CADM2: variants seen among roughly 807,000 people sequenced by gnomAD.
The protein encoded by CADM2 is cell adhesion molecule 2, also known as immunoglobulin superfamily member 4D.
CADM2 carries 12 observed loss-of-function variants against 49.8 expected under a neutral mutation model. The ratio of observed to expected loss-of-function variants is 0.24; its 90% CI spans 0.15 to 0.39. CADM2 has a LOEUF of 0.39. CADM2 is among the 10% of genes least tolerant of loss of function. The pLI is 1.00. For missense variants in CADM2, 378 were observed against 492.3 expected, an observed-to-expected ratio of 0.77 and a Z score of 2.20; for synonymous variants, 214 against 175.4, an observed-to-expected ratio of 1.22 and a Z score of -1.74.
intron 1 of CADM2, among the ~76,000 whole-genome samples, chr3:85,482,366 T>C (rs1282028737): frequency 6.6e-6 from 1 of 151,844 alleles, no homozygotes; most frequent in Admixed American, 6.6e-5. Flanking sequence ...TAATAGTTTT[T>C]GAGAGTTTGT....
intron 1 of CADM2, among the ~76,000 whole-genome samples, chr3:85,074,102 A>G (rs1047539767): frequency 2.0e-5 from 3 of 152,044 alleles, no homozygotes; most frequent in African/African-American, 7.2e-5. Context: ...GTGCAGCTGT[A>G]TTTACCAGAG....
Position 85,831,366 on chromosome 3 carries a change from A to AGAAT in CADM2, c.238+29172_238+29175dup, listed in dbSNP as rs1456048459. On this transcript the variant is annotated intron_variant, in intron 3 of 9. Coordinates refer to ENST00000383699, the MANE Select transcript of CADM2 (RefSeq NM_001167675.2). ...ATACCCAGTAATGGGATTGCTGGAT[A>AGAAT]GAATGGCAGTTCTGTTTTAACTTCT... 4.6e-5 allele frequency among the ~76,000 whole-genome samples: 7 copies of AGAAT among 152,006 alleles called. No homozygotes were observed. The East Asian group carries it at 1.4e-3, about 29-fold the overall frequency.
At chr3:86,053,307 A>T (rs542441941) in intron 8 of CADM2, among the ~76,000 whole-genome samples, 165 of 152,138 alleles carry the variant, frequency 1.1e-3, no homozygotes, top group Non-Finnish European at 1.8e-3. Flanking sequence ...CTCTAAACAT[A>T]TTTTCTACAT....
intron 7 of CADM2, among the ~76,000 whole-genome samples, chr3:85,943,113 T>C (rs868077195): frequency 5.3e-5 from 8 of 151,898 alleles, no homozygotes; most frequent in Non-Finnish European, 1.0e-4. Context: ...TCATGTGTTT[T>C]TTGGCTGCAT....
intron 1 of CADM2, among the ~76,000 whole-genome samples, chr3:85,008,550 A>T (rs546673453): frequency 1.6e-4 from 24 of 152,188 alleles, no homozygotes; most frequent in African/African-American, 5.8e-4. Context: ...TTTTTATTTT[A>T]AAAGTGAGGG....
At position 85,236,355 on chromosome 3, in the gene CADM2, C is replaced by T. The variant is rs567879016; in HGVS notation, c.61+276687C>T. 2.2e-4 allele frequency among the ~76,000 whole-genome samples: 34 copies of T among 151,924 alleles called. No individual in the cohort carries two copies. In the South Asian group the frequency reaches 2.7e-3, roughly 12 times the overall value. On this transcript the variant is annotated intron_variant, in intron 1 of 9. Transcript: ENST00000383699. ...ATTGTAATTGGAAGAAGGATTAAGA[C>T]GTCAATTCTAGCCATAACTAGCAAT...
intron 7 of CADM2, among the ~76,000 whole-genome samples, chr3:85,939,813 A>G (rs1721639213): frequency 6.8e-6 from 1 of 147,738 alleles, no homozygotes. Flanking sequence ...TCTAGTATGC[A>G]TAATTGCACA....
chr3:85,382,451 T>C (rs940086585), intron 1 of CADM2, among the ~76,000 whole-genome samples: 11 of 152,172 alleles, frequency 7.2e-5, no homozygotes, highest in African/African-American at 2.7e-4. Context: ...ATTAATAGTC[T>C]AAAAGCAGTT....
chr3:85,280,827 A>G (rs1403977500), intron 1 of CADM2, among the ~76,000 whole-genome samples: 2 of 151,858 alleles, frequency 1.3e-5, no homozygotes, highest in Non-Finnish European at 2.9e-5. Flanking sequence ...AGTTAGCAAA[A>G]CAGTTAAAAT....
At chr3:85,266,981 G>T (rs2043134678) in intron 1 of CADM2, among the ~76,000 whole-genome samples, 1 of 151,846 alleles carries the variant, frequency 6.6e-6, no homozygotes. Flanking sequence ...CAAGGAATGT[G>T]CATGGGGATT....
At chr3:85,650,962 C>T (rs1469056937) in intron 1 of CADM2, among the ~76,000 whole-genome samples, 1 of 148,000 alleles carries the variant, frequency 6.8e-6, no homozygotes, top group Non-Finnish European at 1.5e-5. Flanking sequence ...TTCAAATTGG[C>T]TTCAAATTGC....
intron 2 of CADM2, among the ~76,000 whole-genome samples, chr3:85,743,467 C>T (rs1045509989): frequency 6.6e-6 from 1 of 152,130 alleles, no homozygotes; most frequent in Non-Finnish European, 1.5e-5. Context: ...ATAATGTTTA[C>T]CTTTGCATTT....
chr3:85,194,054 G>T (rs1468207550), intron 1 of CADM2, among the ~76,000 whole-genome samples: 2 of 152,136 alleles, frequency 1.3e-5, no homozygotes, highest in East Asian at 3.9e-4. Context: ...AGGGAAGTCA[G>T]AGAAGCCTTC....
At chr3:85,472,308 T>A (rs1368974450) in intron 1 of CADM2, among the ~76,000 whole-genome samples, 1 of 151,960 alleles carries the variant, frequency 6.6e-6, no homozygotes, top group Non-Finnish European at 1.5e-5. Context: ...AATAAAAATA[T>A]TTGAATTTTT....
chr3:85,879,088 T>A (rs1466734430), intron 3 of CADM2, among the ~76,000 whole-genome samples: 3 of 150,860 alleles, frequency 2.0e-5, no homozygotes, highest in African/African-American at 7.3e-5. Flanking sequence ...TATATTTATA[T>A]AAGATAAATA....
At chr3:85,075,131 A>G (rs1159674312) in intron 1 of CADM2, among the ~76,000 whole-genome samples, 1 of 152,168 alleles carries the variant, frequency 6.6e-6, no homozygotes, top group Non-Finnish European at 1.5e-5. Flanking sequence ...CAATGAATAC[A>G]GAACTTATGA....
chr3:85,122,745 G>A lies in CADM2; in HGVS notation c.61+163077G>A, dbSNP rs60292096. On this transcript the variant is annotated intron_variant, in intron 1 of 9. Transcript: ENST00000383699. The stretch of plus-strand genomic sequence containing the variant: ...TCACCTCTTTTCCTCAATCCTTGCC[G>A]GATTCCTTTTCCCTGATAGTATCAC... Among the ~76,000 whole-genome samples, 893 of 151,894 alleles carry A rather than the reference G, an allele frequency of 5.9e-3. 10 individuals are homozygous for A. The highest frequency in any genetic ancestry group is 0.02 in the African/African-American group (831 of 41,422).
chr3:85,443,864 C>G (rs969970237), intron 1 of CADM2, among the ~76,000 whole-genome samples: 3 of 152,104 alleles, frequency 2.0e-5, no homozygotes, highest in Admixed American at 6.6e-5. Context: ...ACTTGTGTTT[C>G]TTGCTCAGGT....
At chr3:84,977,132 G>A (rs979159174) in intron 1 of CADM2, among the ~76,000 whole-genome samples, 30 of 151,862 alleles carry the variant, frequency 2.0e-4, no homozygotes, top group African/African-American at 6.0e-4. Flanking sequence ...GATCTTTAGC[G>A]CCTTTAAGTA....
Sources: gnomAD v4.1 joint callset for allele counts (sites outside exome capture counted in the v4.1 genomes callset) on GRCh38, gnomAD v4.1.1 for gene constraint, MANE v1.5 for transcripts, NCBI Gene and HGNC (gene_info 2026-07-23, HGNC 2026-07-21) for gene names.